FHIT: variants seen among roughly 807,000 people sequenced by gnomAD.
FHIT encodes the protein fragile histidine triad diadenosine triphosphatase.
Under a neutral mutation model 17.9 loss-of-function variants are expected in FHIT, and 19 were observed. The ratio of observed to expected loss-of-function variants is 1.06; its 90% CI spans 0.74 to 1.56. The LOEUF (loss-of-function observed/expected upper bound fraction) is 1.56. FHIT is among the 40% of genes most tolerant of loss of function. FHIT has a pLI of 0.00. For missense variants in FHIT, 248 were observed against 189.2 expected (o/e 1.31, Z -1.82); for synonymous variants, 81 against 69.7 (o/e 1.16, Z -0.81).
At chr3:60,456,685 A>C (rs1364864529) in intron 5 of FHIT, among the ~76,000 whole-genome samples, 1 of 152,136 alleles carries the variant, frequency 6.6e-6, no homozygotes, top group Non-Finnish European at 1.5e-5. Context: ...CTTCTTTTTT[A>C]CTGATATCAG....
intron 8 of FHIT, among the ~76,000 whole-genome samples, chr3:59,913,919 G>A (rs576980471): frequency 6.6e-6 from 1 of 152,272 alleles, no homozygotes; most frequent in Admixed American, 6.5e-5. Context: ...AGAAAATCTG[G>A]CATCATTCAA....
chr3:60,056,818 G>T (rs988612370), intron 5 of FHIT, among the ~76,000 whole-genome samples: 2 of 152,218 alleles, frequency 1.3e-5, no homozygotes, highest in Admixed American at 1.3e-4. Flanking sequence ...CCTAGATAAG[G>T]TGTTTTCAGC....
intron 5 of FHIT, among the ~76,000 whole-genome samples, chr3:60,023,219 T>C (rs1441744040): frequency 1.3e-5 from 2 of 152,208 alleles, no homozygotes; most frequent in African/African-American, 4.8e-5. Context: ...GAGAATCATT[T>C]CAAAAACTCT....
chr3:60,267,595 C>T (rs1706648487), intron 5 of FHIT, among the ~76,000 whole-genome samples: 1 of 152,016 alleles, frequency 6.6e-6, no homozygotes, highest in Non-Finnish European at 1.5e-5. Context: ...TAGCAATTAC[C>T]ACTATAAAAT....
At chr3:60,424,274 C>T (rs1417061348) in intron 5 of FHIT, among the ~76,000 whole-genome samples, 1 of 152,070 alleles carries the variant, frequency 6.6e-6, no homozygotes. Context: ...GACTACCCTG[C>T]GTCTCAATAC....
At chr3:60,357,361 C>G (rs1470445114) in intron 5 of FHIT, among the ~76,000 whole-genome samples, 1 of 151,890 alleles carries the variant, frequency 6.6e-6, no homozygotes, top group East Asian at 1.9e-4. Flanking sequence ...TTACAGGCAC[C>G]CATTCTTGAG....
intron 1 of FHIT, among the ~76,000 whole-genome samples, chr3:61,204,584 C>G (rs2039146276): frequency 6.6e-6 from 1 of 152,048 alleles, no homozygotes; most frequent in South Asian, 2.1e-4. Flanking sequence ...TTAACTAAGT[C>G]CAGCTGTGTC....
At chr3:60,733,919 A>C (rs1311226781) in intron 4 of FHIT, among the ~76,000 whole-genome samples, 1 of 152,212 alleles carries the variant, frequency 6.6e-6, no homozygotes, top group African/African-American at 2.4e-5. Flanking sequence ...TTTCTGGATC[A>C]AAATATTAAG....
chr3:59,799,972 G>A (rs1004342432), intron 8 of FHIT, among the ~76,000 whole-genome samples: 3 of 152,102 alleles, frequency 2.0e-5, no homozygotes, highest in South Asian at 2.1e-4. Flanking sequence ...GACTTTACAG[G>A]CTCCTACCAT....
At chr3:59,852,636 G>C (rs1424858647) in intron 8 of FHIT, among the ~76,000 whole-genome samples, 2 of 152,088 alleles carry the variant, frequency 1.3e-5, no homozygotes, top group Non-Finnish European at 2.9e-5. Context: ...ATCATATAGA[G>C]TAGTTTCATT....
At chr3:60,405,447 GA>G (rs1323489380) in intron 5 of FHIT, among the ~76,000 whole-genome samples, 1 of 152,196 alleles carries the variant, frequency 6.6e-6, no homozygotes, top group Non-Finnish European at 1.5e-5. Context: ...CCTCTCCACT[GA>G]AAGCTGTTTC....
chr3:60,077,692 A>ACCCACACC (rs1337065981), intron 5 of FHIT, among the ~76,000 whole-genome samples: 3 of 95,272 alleles, frequency 3.1e-5, no homozygotes, highest in African/African-American at 1.5e-4. Flanking sequence ...TACTTCACAC[A>ACCCACACC]CACACACACA....
chr3:59,856,726 A>T (rs1307573574), intron 8 of FHIT, among the ~76,000 whole-genome samples: 1 of 152,048 alleles, frequency 6.6e-6, no homozygotes, highest in Non-Finnish European at 1.5e-5. Context: ...CTTCTTTGCA[A>T]AATGGCTTTT....
At chr3:61,111,521 C>CG (rs1311745067) in intron 2 of FHIT, among the ~76,000 whole-genome samples, 2 of 152,140 alleles carry the variant, frequency 1.3e-5, no homozygotes, top group Non-Finnish European at 2.9e-5. Context: ...CAGGCACTCA[C>CG]GTGCATTTGC....
At chr3:60,923,118 A>G (rs954050571) in intron 3 of FHIT, among the ~76,000 whole-genome samples, 1 of 152,232 alleles carries the variant, frequency 6.6e-6, no homozygotes, top group Non-Finnish European at 1.5e-5. Context: ...CATGTCTACA[A>G]TCTGCAAGTG....
At chr3:60,888,937 T>C (rs1705362968) in intron 3 of FHIT, among the ~76,000 whole-genome samples, 1 of 152,194 alleles carries the variant, frequency 6.6e-6, no homozygotes, top group African/African-American at 2.4e-5. Flanking sequence ...AGATATAAGT[T>C]CTAAATTTCT....
At chr3:60,283,810 C>G (rs1455317670) in intron 5 of FHIT, among the ~76,000 whole-genome samples, 2 of 139,932 alleles carry the variant, frequency 1.4e-5, no homozygotes, top group Admixed American at 7.4e-5. Flanking sequence ...GAAGAGTGCA[C>G]CGAAAGAGGT....
chr3:59,780,706 G>A (rs1341103706), intron 8 of FHIT, among the ~76,000 whole-genome samples: 1 of 152,230 alleles, frequency 6.6e-6, no homozygotes, highest in Non-Finnish European at 1.5e-5. Flanking sequence ...TCTCCACCAT[G>A]TGAGGATACC....
chr3:61,163,765 T>C (rs1162502613), intron 2 of FHIT, among the ~76,000 whole-genome samples: 1 of 152,216 alleles, frequency 6.6e-6, no homozygotes, highest in Admixed American at 6.5e-5. Flanking sequence ...CACAACTGTC[T>C]GCTCTTCATC....
Sources: gnomAD v4.1 joint callset for allele counts (sites outside exome capture counted in the v4.1 genomes callset) on GRCh38, gnomAD v4.1.1 for gene constraint, MANE v1.5 for transcripts, NCBI Gene and HGNC (gene_info 2026-07-23, HGNC 2026-07-21) for gene names.